MBOAT1: variants seen among roughly 807,000 people sequenced by gnomAD.
The protein encoded by MBOAT1 is membrane-bound glycerophospholipid O-acyltransferase 1.
Under a neutral mutation model 64.4 loss-of-function variants are expected in MBOAT1, and 67 were observed. The ratio of observed to expected loss-of-function variants is 1.04; its 90% CI spans 0.85 to 1.27. The LOEUF (loss-of-function observed/expected upper bound fraction) is 1.27. MBOAT1 is among the 50% of genes most tolerant of loss of function. The probability of loss-of-function intolerance (pLI) is 0.00; values close to 1 mark genes in which losing one functional copy is unlikely to be tolerated. For missense variants in MBOAT1, 563 were observed against 604.6 expected (o/e 0.93, Z 0.72); for synonymous variants, 229 against 218.9 (o/e 1.05, Z -0.41).
At chr6:20,168,669 GA>G in intron 1 of MBOAT1, among the ~76,000 whole-genome samples, 2 of 120,554 alleles carry the variant, frequency 1.7e-5, no homozygotes, top group Admixed American at 8.3e-5. Context: ...AAGAGAGAAA[GA>G]GAGAGAGAAG....
At chr6:20,175,616 TTTG>T (rs1309551965) in intron 1 of MBOAT1, among the ~76,000 whole-genome samples, 10 of 151,410 alleles carry the variant, frequency 6.6e-5, no homozygotes, top group African/African-American at 2.2e-4. Context: ...CTGGCTATTT[TTTG>T]TTCTTTCTTT....
intron 1 of MBOAT1, among the ~76,000 whole-genome samples, chr6:20,170,263 G>C (rs1053363543): frequency 6.6e-6 from 1 of 152,128 alleles, no homozygotes; most frequent in Admixed American, 6.5e-5. Flanking sequence ...CTCCAGCCCA[G>C]ATGTCTCTCC....
chr6:20,190,174 T>C (rs1762766243), intron 1 of MBOAT1, among the ~76,000 whole-genome samples: 4 of 152,058 alleles, frequency 2.6e-5, no homozygotes, highest in Admixed American at 2.6e-4. Context: ...TTTGTATTTT[T>C]AGTAGAGATG....
In MBOAT1 at chr6:20,169,153, T is replaced by C. The variant is rs59400517; in HGVS notation, c.100-16384A>G. ...CTCTCCTGTATACCAATAATACTACTTGCTATTTAAGATGCTGCCATGAGT... is the reference window on the plus strand; with the variant it reads ...CTCTCCTGTATACCAATAATACTACCTGCTATTTAAGATGCTGCCATGAGT... On this transcript the variant is annotated intron_variant, in intron 1 of 12. Transcript: ENST00000324607. 9.9e-3 allele frequency among the ~76,000 whole-genome samples: 1,505 copies of C among 152,236 alleles called. 30 individuals carry two copies. Among genetic ancestry groups the C allele is most frequent in the African/African-American group, 0.035 (1,445 of 41,540 alleles).
intron 1 of MBOAT1, among the ~76,000 whole-genome samples, chr6:20,185,954 G>A (rs1226536052): frequency 6.6e-6 from 1 of 152,142 alleles, no homozygotes; most frequent in Non-Finnish European, 1.5e-5. Context: ...GGCTGAGGTG[G>A]GAGGATCACT....
rs1235738970 is a variant in MBOAT1 at position 20,152,334 on chromosome 6, AAAAAT to A, written c.245+285_245+289del. Among the ~76,000 whole-genome samples, 42 of 57,628 alleles carry A rather than the reference AAAAAT, an allele frequency of 7.3e-4. 1 individual carries two copies. The South Asian group carries it at 8.3e-3, about 11-fold the overall frequency. 37.8% of individuals were successfully genotyped at this position (57,628 alleles called of 152,430 possible). ...AGAGCGAGACTCCGTCTCAAAAAAA[AAAAAT>A]AAAAAATAAATAAATAAATAAATAA... On this transcript the variant is annotated intron_variant, in intron 2 of 12. Transcript: ENST00000324607.
rs1762243438 is a variant in MBOAT1, at chr6:20,172,979, G to C, written c.100-20210C>G. 1.3e-5 allele frequency among the ~76,000 whole-genome samples: 2 copies of C among 152,130 alleles called. 1 individual carries two copies. Among genetic ancestry groups the C allele is most frequent in the South Asian group, 4.1e-4 (2 of 4,826 alleles). On this transcript the variant is annotated intron_variant, in intron 1 of 12. Transcript: ENST00000324607. The stretch of plus-strand genomic sequence containing the variant: ...GGTTTACTGTCATCCCCTTGGTGCT[G>C]TTCTCGTGATAGTGAGTGAGTTCTC...
intron 4 of MBOAT1, among the ~76,000 whole-genome samples, chr6:20,139,415 CATCTT>C (rs1384393907): frequency 2.0e-5 from 3 of 151,474 alleles, no homozygotes; most frequent in African/African-American, 7.3e-5. Flanking sequence ...AATGTGACCT[CATCTT>C]ATCTTAACTA....
At chr6:20,196,854 C>T (rs1762969181) in intron 1 of MBOAT1, among the ~76,000 whole-genome samples, 1 of 124,736 alleles carries the variant, frequency 8.0e-6, no homozygotes, top group Non-Finnish European at 1.7e-5. Context: ...AAGAGCGAAA[C>T]TCCATCTCAA....
At chr6:20,149,722 T>A (rs919917166) in intron 3 of MBOAT1, among the ~76,000 whole-genome samples, 1 of 152,146 alleles carries the variant, frequency 6.6e-6, no homozygotes, top group African/African-American at 2.4e-5. Flanking sequence ...GACTATAAAA[T>A]GTAAAAGCAG....
At chr6:20,201,781 C>T (rs1763130105) in intron 1 of MBOAT1, among the ~76,000 whole-genome samples, 1 of 151,876 alleles carries the variant, frequency 6.6e-6, no homozygotes, top group Non-Finnish European at 1.5e-5. Flanking sequence ...GGGGTTTCAC[C>T]ATGTTGGCCA....
chr6:20,153,786 T>C (rs1056706941), intron 1 of MBOAT1, among the ~76,000 whole-genome samples: 14 of 152,238 alleles, frequency 9.2e-5, no homozygotes, highest in African/African-American at 2.9e-4. Flanking sequence ...CTTGAGAATA[T>C]TGGGCCTAAA....
chr6:20,176,963 G>A (rs1762360066), intron 1 of MBOAT1, among the ~76,000 whole-genome samples: 1 of 152,126 alleles, frequency 6.6e-6, no homozygotes, highest in African/African-American at 2.4e-5. Context: ...TTATAAAGAG[G>A]TCTAGCTTCA....
chr6:20,125,814 G>A (rs986225577), intron 7 of MBOAT1: 3 of 393,318 alleles, frequency 7.6e-6, no homozygotes, highest in Non-Finnish European at 1.5e-5. Flanking sequence ...TCTTTGCCAA[G>A]GCGTTAGCAG....
intron 1 of MBOAT1, among the ~76,000 whole-genome samples, chr6:20,187,061 C>T (rs1479754361): frequency 2.6e-5 from 4 of 152,192 alleles, no homozygotes; most frequent in African/African-American, 4.8e-5. Context: ...ATGACTTGCT[C>T]GTTCCGATAT....
intron 1 of MBOAT1, among the ~76,000 whole-genome samples, chr6:20,178,962 G>C (rs1362296484): frequency 1.3e-5 from 2 of 151,464 alleles, no homozygotes; most frequent in African/African-American, 4.9e-5. Context: ...TAAGTTCAGG[G>C]ATACCTGTGC....
chr6:20,117,079 T>G (rs975072429), intron 9 of MBOAT1, among the ~76,000 whole-genome samples: 1 of 152,206 alleles, frequency 6.6e-6, no homozygotes, highest in Admixed American at 6.5e-5. Flanking sequence ...CTGGACCTTG[T>G]CCACTTACAA....
intron 1 of MBOAT1, among the ~76,000 whole-genome samples, chr6:20,157,007 G>C (rs1402844863): frequency 6.6e-6 from 1 of 152,130 alleles, no homozygotes; most frequent in Non-Finnish European, 1.5e-5. Context: ...TATAGGCTGG[G>C]CACAATGACT....
At chr6:20,193,604 C>CTTT (rs367932037) in intron 1 of MBOAT1, among the ~76,000 whole-genome samples, 7 of 129,724 alleles carry the variant, frequency 5.4e-5, no homozygotes, top group Admixed American at 1.6e-4. Context: ...ACCAAAAATC[C>CTTT]TTTTTTTTTT....
Sources: allele counts gnomAD v4.1 joint callset (sites outside exome capture counted in the v4.1 genomes callset), GRCh38; gene constraint gnomAD v4.1.1; transcripts MANE v1.5; gene names NCBI Gene and HGNC (gene_info 2026-07-23, HGNC 2026-07-21).